The following TPI1 variants were observed in gnomAD, a reference collection of about 807,000 sequenced individuals.
TPI1 encodes triosephosphate isomerase 1, also known as triosephosphate isomerase.
In TPI1, 11 loss-of-function variants were observed where a neutral mutation model predicts 31.0. The ratio of observed to expected loss-of-function variants is 0.36; its 90% CI spans 0.22 to 0.59. TPI1 has a LOEUF of 0.59. TPI1 is among the 20% of genes least tolerant of loss of function. The pLI is 0.79. For synonymous variants in TPI1, 121 were observed against 122.8 expected (o/e 0.99, Z 0.10); for missense variants, 245 against 319.7 (o/e 0.77, Z 1.78).
chr12:6,868,202 C>T (rs1048344911), intron 1 of TPI1: 18 of 1,288,048 alleles, frequency 1.4e-5, no homozygotes, highest in Non-Finnish European at 1.8e-5. Flanking sequence ...TGAACGACTC[C>T]CGCCTTCCAC....
chr12:6,869,896 C>T lies in TPI1; in HGVS notation c.543+123C>T. 3 of 1,414,222 alleles carry T rather than the reference C, an allele frequency of 2.1e-6. No homozygotes were observed. The South Asian group carries it at 3.5e-5, about 16-fold the overall frequency. 87.6% of individuals were successfully genotyped at this position (1,414,222 alleles called of 1,614,324 possible). On this transcript the variant is annotated intron_variant, in intron 5 of 6. Transcript: ENST00000396705. ...GAGACCTTGAACCCAGAGACAGTGA[C>T]TTGTCCAAGGGCATCCAGTCCAGGG... is the stretch of plus-strand genomic sequence containing the variant.
At chr12:6,869,909 ATC>A in intron 5 of TPI1, 136 bp downstream of exon 5, 1 of 1,388,788 alleles carries the variant, frequency 7.2e-7, no homozygotes, top group Non-Finnish European at 1.0e-6. Flanking sequence ...GTCCAAGGGC[ATC>A]CAGTCCAGGG....
chr12:6,868,880 C>T lies in TPI1; in HGVS notation c.132C>T (p.Pro44=), dbSNP rs1555132034. ...TGTCCTCAGAGGTGGTTTGTGCTCC[C>T]CCTACTGCCTATATCGACTTCGCCC... The part of the protein sequence containing the change: ...VPADTEVVCA[P]PTAYIDFARQ... Residue 44 remains proline, a synonymous_variant, in exon 2 of 7, where the codon CCC becomes CCT. Transcript: ENST00000396705. 6.2e-7 allele frequency: 1 copy of T among 1,613,490 alleles called. No homozygotes were observed.
intron 6 of TPI1, 26 bp downstream of exon 6, chr12:6,870,162 G>C: frequency 1.2e-6 from 2 of 1,610,564 alleles, no homozygotes; most frequent in Non-Finnish European, 8.5e-7. Context: ...TCCCGGCTGA[G>C]GTGGAGTGGG....
At position 6,867,605 on chromosome 12, in the gene TPI1, G is replaced by T. The variant is rs1555131527; in HGVS notation, c.39G>T (p.Trp13Cys). ...PSRKFFVGGN[W>C]KMNGRKQSLG... is the part of the protein sequence containing the mutation. ...GGAAGTTCTTCGTTGGGGGAAACTG[G>T]AAGATGAACGGGCGGAAGCAGAGTC... Residue 13 changes from tryptophan to cysteine, a missense_variant, in exon 1 of 7, where the codon TGG becomes TGT. By Grantham distance (215) the Trp-to-Cys change is radical. Coordinates refer to ENST00000396705, the MANE Select transcript of TPI1 (RefSeq NM_000365.6). 1 of 1,613,020 alleles carries T rather than the reference G, an allele frequency of 6.2e-7. No homozygotes were observed. Among genetic ancestry groups the T allele is most frequent in the African/African-American group, 1.3e-5 (1 of 74,898 alleles).
At position 6,870,727 on chromosome 12, in the gene TPI1, A is replaced by G. The variant is rs782582888; in HGVS notation, c.*344A>G. ...TCTCCCTTCTTACACCGTGAGGCCA[A>G]GATCCCCTCAGAAGGCAGGAGTGCT... On this transcript the variant is annotated 3_prime_UTR_variant, in exon 7 of 7. Transcript: ENST00000396705. The G allele has an allele frequency of 1.1e-5, 6 of 549,234 alleles. No homozygotes were observed. Among genetic ancestry groups the G allele is most frequent in the Non-Finnish European group, 2.1e-5 (6 of 284,072 alleles). 34.0% of individuals were successfully genotyped at this position (549,234 alleles called of 1,614,324 possible).
rs1252704801 is a variant in TPI1, at chr12:6,869,771, C to T, written c.541C>T (p.Gln181Ter). The change falls in exon 5 of 7, where the codon CAG (glutamine) becomes TAG (stop). Residue 181 changes from glutamine (Q) to a stop codon, truncating the protein, a stop_gained and splice_region_variant. Coordinates refer to ENST00000396705, the MANE Select transcript of TPI1 (RefSeq NM_000365.6). LOFTEE classifies it high-confidence loss of function. The stretch of plus-strand genomic sequence containing the variant: ...TACTGGCAAGACTGCAACACCCCAA[C>T]AGGTAACCGGGCCCAGGAGCCCTGC... Reference protein sequence around the residue: ...IGTGKTATPQQAQEVHEKLRG... With the variant: ...IGTGKTATPQ 3.1e-6 allele frequency: 5 copies of T among 1,614,068 alleles called. No homozygotes were observed. The highest frequency in any genetic ancestry group is 1.3e-5 in the African/African-American group (1 of 74,930).
At chr12:6,870,195 G>A (rs1944556632) in intron 6 of TPI1, 59 bp downstream of exon 6, 12 of 1,597,770 alleles carry the variant, frequency 7.5e-6, no homozygotes, top group South Asian at 2.2e-5. Flanking sequence ...CTGAGCCCTC[G>A]GACATGGAGG....
rs201871949 is a variant in TPI1 at position 6,870,911 on chromosome 12, G to GA, written c.*541dup. ...GCTATATAAATGATCATTTGTGCAA[G>GA]AAAAAAAAAAAAACAAGAACAGGTT... On this transcript the variant is annotated 3_prime_UTR_variant, in exon 7 of 7. Coordinates refer to ENST00000396705, the MANE Select transcript of TPI1 (RefSeq NM_000365.6). 0.23 allele frequency: 94,725 copies of GA among 406,558 alleles called. 2,721 individuals carry two copies. The highest frequency in any genetic ancestry group is 0.37 in the African/African-American group (18,081 of 48,504). 25.2% of individuals were successfully genotyped at this position (406,558 alleles called of 1,614,324 possible).
chr12:6,870,034 A>C lies in TPI1; in HGVS notation c.544-15A>C, dbSNP rs782193329. The C allele has an allele frequency of 5.6e-6, 9 of 1,613,092 alleles. No individual in the cohort carries two copies. In the African/African-American group the frequency reaches 1.2e-4, roughly 22 times the overall value. On this transcript the variant is annotated splice_polypyrimidine_tract_variant and intron_variant, in intron 5 of 6. Coordinates refer to ENST00000396705, the MANE Select transcript of TPI1 (RefSeq NM_000365.6). ...AGGCAGAAAAGGTCTTACTTAGGCC[A>C]GCTTCTTGTTCTAGGCCCAGGAAGT...
chr12:6,868,235 A>T, intron 1 of TPI1: 1 of 1,287,754 alleles, frequency 7.8e-7, no homozygotes, highest in Non-Finnish European at 1.0e-6. Context: ...GCCCGTGCCA[A>T]ACAGGCTGAG....
rs1555132636 is a variant in TPI1 at position 6,870,359 on chromosome 12, G to A, written c.726G>A (p.Val242=). Residue 242 remains valine (V), a synonymous_variant, in exon 7 of 7, where the codon GTG becomes GTA. Transcript: ENST00000396705. ...GTGCTTCCCTCAAGCCCGAATTCGTGGACATCATCAATGCCAAACAATGAG... is the reference window on the plus strand; with the variant it reads ...GTGCTTCCCTCAAGCCCGAATTCGTAGACATCATCAATGCCAAACAATGAG... ...VGGASLKPEF[V]DIINAKQ is the part of the protein sequence containing the mutation. 1 of 1,613,756 alleles carries A rather than the reference G, an allele frequency of 6.2e-7. No homozygotes were observed.
chr12:6,868,174 C>T, intron 1 of TPI1: 4 of 1,288,424 alleles, frequency 3.1e-6, no homozygotes, highest in Non-Finnish European at 4.0e-6. Context: ...CAGATCTGAC[C>T]CCTTCCCTTC....
chr12:6,869,116 A>C lies in TPI1; in HGVS notation c.257A>C (p.Asp86Ala). The change falls in exon 3 of 7, where the codon GAC becomes GCC. Residue 86 changes from aspartate (D) to alanine (A), a missense_variant. This residue lies in a region of TPI1 where 23 missense variants were observed against 59.6 expected (regional missense o/e 0.39). Coordinates refer to ENST00000396705, the MANE Select transcript of TPI1 (RefSeq NM_000365.6). ...TGEISPGMIK[D>A]CGATWVVLGH... ...TCCTTTAGCCCTGGCATGATCAAAG[A>C]CTGCGGAGCCACGTGGGTGGTCCTG... 1.2e-6 allele frequency: 2 copies of C among 1,614,182 alleles called. No individual in the cohort carries two copies. The highest frequency in any genetic ancestry group is 8.5e-7 in the Non-Finnish European group (1 of 1,180,040).
chr12:6,867,724 G>A, intron 1 of TPI1, 43 bp downstream of exon 1: 1 of 1,552,738 alleles, frequency 6.4e-7, no homozygotes, highest in Non-Finnish European at 8.7e-7. Flanking sequence ...CCGGGGCCGG[G>A]GCCGGGGCAG....
rs782758079 is a variant in TPI1 at position 6,867,550 on chromosome 12, G to C, written c.-17G>C. On this transcript the variant is annotated 5_prime_UTR_variant, in exon 1 of 7. Transcript: ENST00000396705. ...CTGCGCGCAGACACTGACCTTCAGC[G>C]CCTCGGCTCCAGCGCCATGGCGCCC... 3.0e-5 allele frequency: 48 copies of C among 1,610,708 alleles called. No homozygotes were observed. In the Middle Eastern group the frequency reaches 2.0e-3, roughly 67 times the overall value.
intron 4 of TPI1, 34 bp downstream of exon 4, chr12:6,869,424 C>T (rs1944533810): frequency 1.9e-6 from 3 of 1,613,640 alleles, no homozygotes; most frequent in Non-Finnish European, 2.5e-6. Context: ...TGAGCCTATC[C>T]AGGGCCACAG....
chr12:6,868,846 G>T lies in TPI1; in HGVS notation c.116-18G>T. On this transcript the variant is annotated intron_variant, in intron 1 of 6. Coordinates refer to ENST00000396705, the MANE Select transcript of TPI1 (RefSeq NM_000365.6). ...CTTTCTTTAGTCTCATCCCCCTGTG[G>T]TACCATCTTGTCCTCAGAGGTGGTT... The T allele has an allele frequency of 1.9e-6, 3 of 1,609,732 alleles. No individual in the cohort carries two copies. Among genetic ancestry groups the T allele is most frequent in the Non-Finnish European group, 2.5e-6 (3 of 1,178,784 alleles).
Position 6,868,983 on chromosome 12 carries a change from A to G in TPI1, c.235A>G (p.Ile79Val). 6.2e-7 allele frequency: 1 copy of G among 1,614,116 alleles called. No homozygotes were observed. Among genetic ancestry groups the G allele is most frequent in the Non-Finnish European group, 8.5e-7 (1 of 1,180,026 alleles). The change falls in exon 2 of 7, where the codon ATC (isoleucine) becomes GTC (valine). Residue 79 changes from isoleucine (I) to valine (V), a missense_variant. This residue lies in a region of TPI1 where 23 missense variants were observed against 59.6 expected (regional missense o/e 0.39). Coordinates refer to ENST00000396705, the MANE Select transcript of TPI1 (RefSeq NM_000365.6). ...GACTAATGGGGCTTTTACTGGGGAG[A>G]TCAGGTGAGATCGAGGTGGAGAGGG... ...KVTNGAFTGEISPGMIKDCGA... is the reference protein window; with the variant it reads ...KVTNGAFTGEVSPGMIKDCGA...
Sources: allele counts gnomAD v4.1 joint callset, GRCh38; gene constraint gnomAD v4.1.1; regional missense constraint gnomAD v4.1.1; transcripts MANE v1.5; gene names NCBI Gene and HGNC (gene_info 2026-07-23, HGNC 2026-07-21).